PKIB: variants seen among roughly 807,000 people sequenced by gnomAD.
PKIB encodes the protein cAMP-dependent protein kinase inhibitor beta.
Under a neutral mutation model 4.5 loss-of-function variants are expected in PKIB, and 2 were observed. The observed-to-expected ratio is 0.44, with a 90% confidence interval of 0.18 to 1.39. PKIB has a LOEUF of 1.39. Among genes scored for constraint, PKIB ranks in the 40% most tolerant of loss-of-function variants. The pLI, the probability that PKIB is intolerant of heterozygous loss-of-function variation, is 0.27. For synonymous variants in PKIB, 38 were observed against 36.0 expected, an observed-to-expected ratio of 1.06 and a Z score of -0.20; for missense variants, 94 against 92.6, an observed-to-expected ratio of 1.02 and a Z score of -0.06.
intron 2 of PKIB, among the ~76,000 whole-genome samples, chr6:122,563,189 G>A (rs1196788029): frequency 6.6e-6 from 1 of 152,098 alleles, no homozygotes; most frequent in Non-Finnish European, 1.5e-5. Context: ...CTTTTCCTGT[G>A]GATGTGGCTT....
chr6:122,540,894 G>T (rs1436251166), intron 2 of PKIB, among the ~76,000 whole-genome samples: 1 of 151,070 alleles, frequency 6.6e-6, no homozygotes, highest in East Asian at 1.9e-4. Context: ...ATTTAGGATA[G>T]TTAGCTCTTC....
At chr6:122,537,514 C>T (rs1777444800) in intron 2 of PKIB, among the ~76,000 whole-genome samples, 1 of 152,166 alleles carries the variant, frequency 6.6e-6, no homozygotes, top group South Asian at 2.1e-4. Flanking sequence ...ATGAACTCAT[C>T]ATTTTTTATG....
At chr6:122,662,124 G>GT (rs1196748622) in intron 2 of PKIB, among the ~76,000 whole-genome samples, 1 of 151,700 alleles carries the variant, frequency 6.6e-6, no homozygotes, top group Admixed American at 6.6e-5. Flanking sequence ...ATTGGCAAGT[G>GT]TTTTTTTCCA....
intron 2 of PKIB, among the ~76,000 whole-genome samples, chr6:122,662,523 T>G (rs1777049536): frequency 6.6e-6 from 1 of 151,646 alleles, no homozygotes; most frequent in African/African-American, 2.4e-5. Context: ...TTTCCCCATG[T>G]TGGACAGGCT....
At chr6:122,552,338 C>A in intron 2 of PKIB, among the ~76,000 whole-genome samples, 1 of 151,994 alleles carries the variant, frequency 6.6e-6, no homozygotes, top group East Asian at 1.9e-4. Flanking sequence ...GCTTCCTCAG[C>A]ATCTCCACAT....
In PKIB at chr6:122,691,831, C is replaced by T. The variant is rs1582816529; in HGVS notation, c.-9+16687C>T. Among the ~76,000 whole-genome samples, 4 of 152,172 alleles carry T rather than the reference C, an allele frequency of 2.6e-5. 1 individual carries two copies. Among genetic ancestry groups the T allele is most frequent in the Admixed American group, 2.6e-4 (4 of 15,282 alleles). ...CAGTCTGGGCTTGTTTTTACTTATC[C>T]TTCTTGGGAAGCCTTTTCAGGTATT... is the stretch of plus-strand genomic sequence containing the variant. On this transcript the variant is annotated intron_variant, in intron 3 of 4. Transcript: ENST00000368452.
At chr6:122,630,689 T>C (rs1775658638) in intron 1 of PKIB, among the ~76,000 whole-genome samples, 1 of 152,184 alleles carries the variant, frequency 6.6e-6, no homozygotes, top group South Asian at 2.1e-4. Flanking sequence ...TAACTATAAT[T>C]TTTAAAAAGC....
At chr6:122,541,296 G>A (rs1353224566) in intron 2 of PKIB, among the ~76,000 whole-genome samples, 2 of 151,982 alleles carry the variant, frequency 1.3e-5, no homozygotes, top group Admixed American at 1.3e-4. Context: ...TTTACATTTT[G>A]GCATGTTTTT....
At chr6:122,627,972 G>A (rs1775525952) in intron 1 of PKIB, among the ~76,000 whole-genome samples, 1 of 151,358 alleles carries the variant, frequency 6.6e-6, no homozygotes, top group Non-Finnish European at 1.5e-5. Flanking sequence ...ATTTTGTTAT[G>A]TATGGGATTA....
At chr6:122,527,495 A>C (rs924129217) in intron 2 of PKIB, among the ~76,000 whole-genome samples, 1 of 152,010 alleles carries the variant, frequency 6.6e-6, no homozygotes, top group African/African-American at 2.4e-5. Context: ...ATTTCTATTG[A>C]CCTAATTTCG....
chr6:122,652,907 AC>A (rs2114885255), intron 2 of PKIB: 1 of 152,344 alleles, frequency 6.6e-6, no homozygotes, highest in South Asian at 2.1e-4. Flanking sequence ...TCTTTTCTCA[AC>A]AGATTTTTGT....
intron 2 of PKIB, among the ~76,000 whole-genome samples, chr6:122,553,312 G>A (rs542991372): frequency 6.6e-6 from 1 of 152,018 alleles, no homozygotes; most frequent in African/African-American, 2.4e-5. Context: ...GCCATTAAAA[G>A]TAATGACCAA....
chr6:122,576,710 A>ATATATATATATATATATATATTTT (rs59569106), intron 2 of PKIB, among the ~76,000 whole-genome samples: 1 of 109,986 alleles, frequency 9.1e-6, no homozygotes, highest in African/African-American at 4.0e-5. Flanking sequence ...ATATATATAT[A>ATATATATATATATATATATATTTT]TTTTCTTTTG....
chr6:122,526,624 C>G (rs1387217675), intron 2 of PKIB, among the ~76,000 whole-genome samples: 1 of 152,022 alleles, frequency 6.6e-6, no homozygotes, highest in African/African-American at 2.4e-5. Context: ...CAACAATGGA[C>G]TTAAAATATT....
At chr6:122,569,374 C>T (rs1773290243) in intron 2 of PKIB, among the ~76,000 whole-genome samples, 1 of 152,196 alleles carries the variant, frequency 6.6e-6, no homozygotes, top group Non-Finnish European at 1.5e-5. Context: ...TCCATTACAG[C>T]ACCTCTAGGT....
In PKIB at chr6:122,492,015, G is replaced by A. The variant is rs1489320742; in HGVS notation, c.-248+14076G>A. 5.9e-5 allele frequency among the ~76,000 whole-genome samples: 9 copies of A among 152,296 alleles called. No individual in the cohort carries two copies. The South Asian group carries it at 1.9e-3, about 32-fold the overall frequency. On this transcript the variant is annotated intron_variant, in intron 2 of 6. Coordinates refer to the PKIB transcript ENST00000392491. ...GCTAAGACTCACCAACTGTGGATTA[G>A]TTACGCAGATATTTCAAAAACACTT...
At chr6:122,675,477 C>T (rs1297676309) in intron 3 of PKIB, among the ~76,000 whole-genome samples, 2 of 152,030 alleles carry the variant, frequency 1.3e-5, no homozygotes, top group Non-Finnish European at 2.9e-5. Context: ...GAGAGTTTGT[C>T]ACATCAATGA....
intron 1 of PKIB, among the ~76,000 whole-genome samples, chr6:122,631,327 C>T (rs1002013837): frequency 1.3e-5 from 2 of 152,138 alleles, no homozygotes; most frequent in Non-Finnish European, 2.9e-5. Flanking sequence ...GCTCCCTTTC[C>T]TTTTTCTCAC....
chr6:122,547,557 C>T (rs1423180885), intron 2 of PKIB, among the ~76,000 whole-genome samples: 2 of 151,098 alleles, frequency 1.3e-5, no homozygotes, highest in Admixed American at 6.6e-5. Flanking sequence ...AGGCTGGTCT[C>T]GAACTCCTGA....
Sources: gnomAD v4.1 joint callset for allele counts (sites outside exome capture counted in the v4.1 genomes callset) on GRCh38, gnomAD v4.1.1 for gene constraint, MANE v1.5 for transcripts, NCBI Gene and HGNC (gene_info 2026-07-23, HGNC 2026-07-21) for gene names.